GBF1: variants seen among roughly 807,000 people sequenced by gnomAD.
GBF1 encodes the protein Golgi-specific brefeldin A-resistance guanine nucleotide exchange factor 1.
A neutral mutation model predicts 210.5 loss-of-function variants in GBF1; 114 were observed. That is an observed-to-expected ratio of 0.54 (90% CI 0.47 to 0.63). The LOEUF is 0.63. GBF1 is among the 30% of genes least tolerant of loss of function. GBF1 has a pLI of 0.00. For missense variants in GBF1, 1,851 were observed against 2,357.7 expected, an observed-to-expected ratio of 0.79 and a Z score of 4.45; for synonymous variants, 850 against 889.2, an observed-to-expected ratio of 0.96 and a Z score of 0.78.
intron 3 of GBF1, among the ~76,000 whole-genome samples, chr10:102,296,298 A>G (rs2076901748): frequency 6.6e-6 from 1 of 152,188 alleles, no homozygotes; most frequent in African/African-American, 2.4e-5. Flanking sequence ...TTGCCTGGCA[A>G]TTGTCTCCTG....
At chr10:102,271,641 G>A (rs1081654) in intron 3 of GBF1, among the ~76,000 whole-genome samples, 150,776 of 152,166 alleles carry the variant, frequency 0.99, 74,717 homozygotes, top group East Asian at 1. Context: ...TTTCCCGTAT[G>A]TTATGTACTA....
At chr10:102,362,297 C>G (rs1301547699) in intron 14 of GBF1, among the ~76,000 whole-genome samples, 178 bp from the exon 15 acceptor site, 1 of 151,890 alleles carries the variant, frequency 6.6e-6, no homozygotes, top group Non-Finnish European at 1.5e-5. Context: ...ACCTTGTGAT[C>G]CACCCGCCTC....
intron 17 of GBF1, among the ~76,000 whole-genome samples, chr10:102,364,577 A>G (rs2059806186): frequency 6.7e-6 from 1 of 149,328 alleles, no homozygotes; most frequent in South Asian, 2.2e-4. Context: ...GGCCGGGCGC[A>G]GTGGCTCACG....
Position 102,375,399 on chromosome 10 carries a change from G to A in GBF1, c.3701G>A (p.Ser1234Asn). The change falls in exon 30 of 40, where the codon AGT becomes AAT. Residue 1234 changes from serine to asparagine, a missense_variant. Coordinates refer to ENST00000369983, the MANE Select transcript of GBF1 (RefSeq NM_001377137.1). ...SLRILLLMKP[S>N]VLSRVSHQVA... is the part of the protein sequence containing the mutation. ...CGCATTTTGCTACTGATGAAGCCCA[G>A]TGTGCTATCCCGAGTCAGCCACCAG... 2 of 1,613,866 alleles carry A rather than the reference G, an allele frequency of 1.2e-6. No individual in the cohort carries two copies. The highest frequency in any genetic ancestry group is 1.1e-5 in the South Asian group (1 of 91,080).
chr10:102,241,791 C>A (rs554911410), upstream of GBF1, among the ~76,000 whole-genome samples: 13 of 152,370 alleles, frequency 8.5e-5, no homozygotes, highest in South Asian at 2.7e-3. This position sits in a 1 kb window ranked among gnomAD's most constrained non-coding sequence, Gnocchi z 6.7. Context: ...TTAGGCAGAG[C>A]CAAGTGGGCG....
rs367918781 is a variant in GBF1 at position 102,382,507 on chromosome 10, A to G, written c.*171A>G. On this transcript the variant is annotated 3_prime_UTR_variant, in exon 40 of 40. Transcript: ENST00000369983. Reference sequence around the variant, plus strand: ...TTGATAGCCCCAGCTAAGACCCCCAATCAGCTGTGGGACCTTTTTCCTCCT... The same window carrying G: ...TTGATAGCCCCAGCTAAGACCCCCAGTCAGCTGTGGGACCTTTTTCCTCCT... 31 of 584,122 alleles carry G rather than the reference A, an allele frequency of 5.3e-5. No homozygotes were observed. Among genetic ancestry groups the G allele is most frequent in the Non-Finnish European group, 7.7e-5 (26 of 338,942 alleles). The allele number at this position is 584,122 out of a possible 1,614,324, so 36.2% of individuals were successfully genotyped here.
intron 3 of GBF1, among the ~76,000 whole-genome samples, chr10:102,311,530 G>GT (rs1278362981): frequency 6.6e-6 from 1 of 152,210 alleles, no homozygotes; most frequent in Non-Finnish European, 1.5e-5. Flanking sequence ...GCTTCTATGT[G>GT]TTTGTCTTTT....
chr10:102,367,802 C>G (rs1005310118), intron 21 of GBF1, among the ~76,000 whole-genome samples: 2 of 152,120 alleles, frequency 1.3e-5, no homozygotes, highest in Non-Finnish European at 2.9e-5. Flanking sequence ...ATATCATGGC[C>G]CCATTTTCTG....
At chr10:102,231,964 G>A in the GBF1 span, 7 of 1,606,744 alleles carry the variant, frequency 4.4e-6, no homozygotes, top group African/African-American at 1.3e-5. Context: ...CGCGCTTACC[G>A]CTGTGCTCCT....
chr10:102,254,311 A>G (rs1590476398), intron 1 of GBF1, among the ~76,000 whole-genome samples: 1 of 152,088 alleles, frequency 6.6e-6, no homozygotes, highest in South Asian at 2.1e-4. Flanking sequence ...TTGTGGAAGG[A>G]TTGCTTGAGC....
intron 3 of GBF1, among the ~76,000 whole-genome samples, chr10:102,314,953 G>C (rs2078807145): frequency 6.6e-6 from 1 of 152,086 alleles, no homozygotes; most frequent in African/African-American, 2.4e-5. Flanking sequence ...CAAAGTTTAG[G>C]CTTCTTTCCA....
intron 1 of GBF1, among the ~76,000 whole-genome samples, chr10:102,258,468 G>A (rs1045128464): frequency 6.9e-6 from 1 of 145,946 alleles, no homozygotes; most frequent in Non-Finnish European, 1.5e-5. Flanking sequence ...CAGATTTTAT[G>A]AGTATAGAAA....
At chr10:102,235,909 C>G in the GBF1 span, among the ~76,000 whole-genome samples, 1 of 152,200 alleles carries the variant, frequency 6.6e-6, no homozygotes, top group Admixed American at 6.5e-5. Flanking sequence ...CAGAGTAACC[C>G]AAGCTGGGAG....
chr10:102,267,401 A>C (rs1002352377), intron 3 of GBF1, among the ~76,000 whole-genome samples: 7 of 152,192 alleles, frequency 4.6e-5, no homozygotes, highest in Non-Finnish European at 1.0e-4. Flanking sequence ...GCTACTCAGG[A>C]GGCTGAAGCA....
intron 3 of GBF1, among the ~76,000 whole-genome samples, chr10:102,311,085 GC>G (rs1329608165): frequency 2.0e-5 from 3 of 152,222 alleles, no homozygotes; most frequent in African/African-American, 7.2e-5. Flanking sequence ...TGTCCAGGGA[GC>G]ATCTTTCCTC....
intron 3 of GBF1, among the ~76,000 whole-genome samples, chr10:102,296,735 TG>T (rs1232480151): frequency 3.5e-5 from 5 of 142,786 alleles, no homozygotes. Context: ...AGTGAGACTC[TG>T]TCTCAAAAAA....
intron 36 of GBF1, 136 bp downstream of exon 36, chr10:102,380,090 C>G (rs375899978): frequency 1.3e-4 from 98 of 731,330 alleles, no homozygotes; most frequent in Non-Finnish European, 2.2e-4. Context: ...CTAAGCAGGA[C>G]CTAGGGACCT....
At chr10:102,276,699 A>G (rs1042539537) in intron 3 of GBF1, among the ~76,000 whole-genome samples, 1 of 152,090 alleles carries the variant, frequency 6.6e-6, no homozygotes, top group Non-Finnish European at 1.5e-5. Context: ...GGTTGTGTGC[A>G]TGTAGTAAAG....
chr10:102,247,643 CTCTT>C lies in GBF1; in HGVS notation c.-11+1868_-11+1871del, dbSNP rs139117526. The stretch of plus-strand genomic sequence containing the variant: ...GCATCAAAACGTTTTCTCTTTCTCT[CTCTT>C]TCTTTTTTTTAATCCTAAATGTCAT... On this transcript the variant is annotated intron_variant, in intron 1 of 39. Coordinates refer to ENST00000369983, the MANE Select transcript of GBF1 (RefSeq NM_001377137.1). 9.2e-5 allele frequency among the ~76,000 whole-genome samples: 14 copies of C among 152,220 alleles called. No homozygotes were observed. The East Asian group carries it at 1.9e-3, about 21-fold the overall frequency.
Sources: allele counts gnomAD v4.1 joint callset (sites outside exome capture counted in the v4.1 genomes callset), GRCh38; gene constraint gnomAD v4.1.1; non-coding constraint Gnocchi (gnomAD v3.1); transcripts MANE v1.5; gene names NCBI Gene and HGNC (gene_info 2026-07-23, HGNC 2026-07-21).